CACNB2: variants seen among roughly 807,000 people sequenced by gnomAD.
CACNB2 encodes the protein voltage-dependent L-type calcium channel subunit beta-2.
In CACNB2, 42 loss-of-function variants were observed where a neutral mutation model predicts 73.3. The observed-to-expected ratio is 0.57, with a 90% CI of 0.45 to 0.74. The LOEUF (loss-of-function observed/expected upper bound fraction) is 0.74, where lower values mean the gene tolerates loss of function less well. Among genes scored for constraint, CACNB2 ranks in the 30% least tolerant of loss-of-function variants. The pLI, the probability that CACNB2 is intolerant of heterozygous loss-of-function variation, is 0.00. For missense variants in CACNB2, 940 were observed against 853.0 expected (o/e 1.10, Z -1.27); for synonymous variants, 348 against 310.3 (o/e 1.12, Z -1.28).
At chr10:18,471,797 G>A (rs1467645866) in intron 3 of CACNB2, among the ~76,000 whole-genome samples, 1 of 152,044 alleles carries the variant, frequency 6.6e-6, no homozygotes, top group African/African-American at 2.4e-5. Flanking sequence ...TTATAATTGA[G>A]GTAAAGAAGA....
At chr10:18,403,051 T>C (rs1350624410) in intron 3 of CACNB2, among the ~76,000 whole-genome samples, 1 of 152,164 alleles carries the variant, frequency 6.6e-6, no homozygotes. Flanking sequence ...GCCATCATAG[T>C]CTACTGAGGA....
intron 2 of CACNB2, among the ~76,000 whole-genome samples, chr10:18,202,923 C>T (rs2034945565): frequency 6.6e-6 from 1 of 152,174 alleles, no homozygotes; most frequent in South Asian, 2.1e-4. Context: ...TTCCTATTAT[C>T]TCTGTTGTTA....
intron 3 of CACNB2, among the ~76,000 whole-genome samples, chr10:18,440,941 G>C (rs1171418432): frequency 6.6e-6 from 1 of 152,204 alleles, no homozygotes; most frequent in East Asian, 1.9e-4. Flanking sequence ...TGCTGAGCAA[G>C]AGTGGCATGA....
chr10:18,432,641 C>T (rs2045945071), intron 3 of CACNB2, among the ~76,000 whole-genome samples: 2 of 152,112 alleles, frequency 1.3e-5, no homozygotes, highest in South Asian at 2.1e-4. Flanking sequence ...CCAGACCAGC[C>T]TGGGCAACAT....
chr10:18,247,008 G>A (rs898718126), intron 2 of CACNB2, among the ~76,000 whole-genome samples: 5 of 152,110 alleles, frequency 3.3e-5, no homozygotes, highest in African/African-American at 1.2e-4. Flanking sequence ...CCTGCTGACC[G>A]TAGGTAAGAT....
At chr10:18,298,527 T>C (rs769595723) in intron 2 of CACNB2, among the ~76,000 whole-genome samples, 2 of 152,220 alleles carry the variant, frequency 1.3e-5, no homozygotes, top group African/African-American at 2.4e-5. Context: ...GGAGAACCAG[T>C]TGTGAATCAT....
chr10:18,379,607 G>A (rs964846335), intron 2 of CACNB2, among the ~76,000 whole-genome samples: 5 of 151,968 alleles, frequency 3.3e-5, no homozygotes, highest in South Asian at 2.1e-4. Flanking sequence ...GAACATTTTC[G>A]TCTTTCCTGG....
At chr10:18,167,154 G>T (rs927915036) in intron 2 of CACNB2, among the ~76,000 whole-genome samples, 2 of 152,214 alleles carry the variant, frequency 1.3e-5, no homozygotes, top group African/African-American at 4.8e-5. Flanking sequence ...AGCGACATGA[G>T]TGGAACTGGA....
intron 2 of CACNB2, among the ~76,000 whole-genome samples, chr10:18,264,390 A>G (rs2037694877): frequency 6.6e-6 from 1 of 152,218 alleles, no homozygotes; most frequent in Non-Finnish European, 1.5e-5. Context: ...CATGCAGAAA[A>G]GTGGGTGCAG....
At chr10:18,243,375 G>A (rs1371872551) in intron 2 of CACNB2, among the ~76,000 whole-genome samples, 1 of 152,116 alleles carries the variant, frequency 6.6e-6, no homozygotes, top group Non-Finnish European at 1.5e-5. Flanking sequence ...TAAGGGTAGG[G>A]TCACCCTGGC....
chr10:18,332,286 G>T (rs969088740), intron 2 of CACNB2, among the ~76,000 whole-genome samples: 4 of 152,166 alleles, frequency 2.6e-5, no homozygotes, highest in Non-Finnish European at 4.4e-5. Flanking sequence ...GAGGTGGCAA[G>T]GGTTGGATTT....
intron 2 of CACNB2, among the ~76,000 whole-genome samples, chr10:18,295,900 G>C (rs2039258277): frequency 6.6e-6 from 1 of 151,786 alleles, no homozygotes; most frequent in Non-Finnish European, 1.5e-5. Flanking sequence ...AAAGGGTTCT[G>C]CCAGGGACAG....
rs190272342 is a variant in CACNB2 at position 18,370,093 on chromosome 10, T to C, written c.214-31831T>C. Among the ~76,000 whole-genome samples the C allele has an allele frequency of 1.8e-4, 27 of 152,346 alleles. No homozygotes were observed. In the East Asian group the frequency reaches 4.2e-3, roughly 24 times the overall value. On this transcript the variant is annotated intron_variant, in intron 2 of 13. Transcript: ENST00000324631. The stretch of plus-strand genomic sequence containing the variant: ...AATGGCAATGTTTATATCTGCACTG[T>C]CCAATATGGTTGCCACTAGCCCTGC...
chr10:18,214,877 G>A (rs1373209794), intron 2 of CACNB2, among the ~76,000 whole-genome samples: 3 of 152,180 alleles, frequency 2.0e-5, no homozygotes, highest in Non-Finnish European at 4.4e-5. Context: ...GTGTGTACTG[G>A]CTGAATGTCC....
chr10:18,208,309 CA>C (rs1169115488), intron 2 of CACNB2, among the ~76,000 whole-genome samples: 1 of 151,958 alleles, frequency 6.6e-6, no homozygotes, highest in Non-Finnish European at 1.5e-5. Context: ...TGTACACACA[CA>C]AAAAACTTTT....
intron 3 of CACNB2, among the ~76,000 whole-genome samples, chr10:18,448,458 A>G (rs1472551195): frequency 6.7e-6 from 1 of 148,226 alleles, no homozygotes; most frequent in Non-Finnish European, 1.5e-5. Context: ...CTAGGCGACA[A>G]GAGCAAAACT....
intron 3 of CACNB2, among the ~76,000 whole-genome samples, chr10:18,409,695 T>C (rs1195203719): frequency 6.6e-6 from 1 of 152,096 alleles, no homozygotes; most frequent in South Asian, 2.1e-4. Flanking sequence ...TATAGGGTAA[T>C]TGGGGAGGGA....
chr10:18,434,397 G>A (rs942702155), intron 3 of CACNB2, among the ~76,000 whole-genome samples: 1 of 152,160 alleles, frequency 6.6e-6, no homozygotes, highest in Non-Finnish European at 1.5e-5. Context: ...AGTGTAGCCA[G>A]TAGAATTTGG....
At chr10:18,253,303 G>T (rs551465262) in intron 2 of CACNB2, among the ~76,000 whole-genome samples, 2 of 152,250 alleles carry the variant, frequency 1.3e-5, no homozygotes, top group African/African-American at 4.8e-5. Context: ...TCAGATACTG[G>T]TGGGGCTGAG....
Sources: gnomAD v4.1 joint callset for allele counts (sites outside exome capture counted in the v4.1 genomes callset) on GRCh38, gnomAD v4.1.1 for gene constraint, MANE v1.5 for transcripts, NCBI Gene and HGNC (gene_info 2026-07-23, HGNC 2026-07-21) for gene names.